MAGI2: variants seen among roughly 807,000 people sequenced by gnomAD.
MAGI2 encodes the protein membrane-associated guanylate kinase, WW and PDZ domain-containing protein 2.
In MAGI2, 35 loss-of-function variants were observed where a neutral mutation model predicts 133.3. That is an observed-to-expected ratio of 0.26 (90% CI 0.20 to 0.35). The LOEUF (loss-of-function observed/expected upper bound fraction) is 0.35, where lower values mean the gene tolerates loss of function less well. Among genes scored for constraint, MAGI2 ranks in the 10% least tolerant of loss-of-function variants. The pLI, the probability that MAGI2 is intolerant of heterozygous loss-of-function variation, is 1.00. For missense variants in MAGI2, 1,636 were observed against 1,863.4 expected (o/e 0.88, Z 2.25); for synonymous variants, 729 against 710.6 (o/e 1.03, Z -0.41).
intron 1 of MAGI2, among the ~76,000 whole-genome samples, chr7:79,406,637 A>AT (rs1845825240): frequency 6.6e-6 from 1 of 152,168 alleles, no homozygotes; most frequent in East Asian, 1.9e-4. Context: ...CAATATAATC[A>AT]TTTTTTCATC....
At chr7:79,220,201 G>A (rs574102763) in intron 1 of MAGI2, among the ~76,000 whole-genome samples, 2 of 152,002 alleles carry the variant, frequency 1.3e-5, no homozygotes, top group South Asian at 2.1e-4. Context: ...CTTACAGGAT[G>A]GTGATGTGGT....
chr7:79,117,678 A>G (rs1453242447), intron 1 of MAGI2, among the ~76,000 whole-genome samples: 2 of 152,182 alleles, frequency 1.3e-5, no homozygotes, highest in Non-Finnish European at 2.9e-5. Flanking sequence ...TCCTCTTATT[A>G]ATTTCCTCTT....
intron 9 of MAGI2, among the ~76,000 whole-genome samples, chr7:78,324,170 C>CACTACACACTACACTACACT (rs77844311): frequency 2.4e-5 from 3 of 127,282 alleles, no homozygotes; most frequent in African/African-American, 1.0e-4. Flanking sequence ...CACTACACTA[C>CACTACACACTACACTACACT]ACACTACACT....
intron 2 of MAGI2, among the ~76,000 whole-genome samples, chr7:78,898,258 G>T (rs534028662): frequency 6.6e-6 from 1 of 152,172 alleles, no homozygotes; most frequent in East Asian, 1.9e-4. Context: ...TAGTTCATCC[G>T]TTGTGGAAAA....
At chr7:79,162,000 T>C (rs1824412817) in intron 1 of MAGI2, among the ~76,000 whole-genome samples, 1 of 151,988 alleles carries the variant, frequency 6.6e-6, no homozygotes, top group Non-Finnish European at 1.5e-5. Context: ...GCAAGCATAA[T>C]AAGCCTAAAA....
In MAGI2 at chr7:78,293,983, C is replaced by T. The variant is rs1339005938; in HGVS notation, c.1409-37402G>A. Among the ~76,000 whole-genome samples the T allele has an allele frequency of 3.9e-5, 6 of 152,120 alleles. No individual in the cohort carries two copies. In the East Asian group the frequency reaches 7.7e-4, roughly 20 times the overall value. The stretch of plus-strand genomic sequence containing the variant: ...CAGGAGATACACTTAATGTAAATGA[C>T]GAGTTAATAGGTCCAGCACACCAAC... On this transcript the variant is annotated intron_variant, in intron 9 of 21. Transcript: ENST00000354212.
intron 21 of MAGI2, among the ~76,000 whole-genome samples, chr7:78,027,650 A>C (rs28650059): frequency 6.8e-6 from 1 of 146,368 alleles, no homozygotes; most frequent in Non-Finnish European, 1.5e-5. Flanking sequence ...AAAAGAAAGA[A>C]AAAGAAAAAG....
At chr7:79,104,292 C>T (rs1026193976) in intron 1 of MAGI2, among the ~76,000 whole-genome samples, 5 of 152,054 alleles carry the variant, frequency 3.3e-5, no homozygotes, top group Non-Finnish European at 7.4e-5. Flanking sequence ...CTGTGAGCTT[C>T]GGAGGGATGG....
At chr7:78,197,209 G>T (rs534176137) in intron 11 of MAGI2, among the ~76,000 whole-genome samples, 2 of 152,194 alleles carry the variant, frequency 1.3e-5, no homozygotes, top group Admixed American at 1.3e-4. Flanking sequence ...GATGTGGAAG[G>T]CCACATTTGT....
intron 2 of MAGI2, among the ~76,000 whole-genome samples, chr7:78,667,812 C>T (rs1813809802): frequency 6.6e-6 from 1 of 152,050 alleles, no homozygotes; most frequent in Non-Finnish European, 1.5e-5. Context: ...TGGGTTGGTT[C>T]CAAGTCTTTG....
At chr7:79,422,475 A>G (rs1288497078) in intron 1 of MAGI2, among the ~76,000 whole-genome samples, 3 of 152,054 alleles carry the variant, frequency 2.0e-5, no homozygotes, top group South Asian at 2.1e-4. Flanking sequence ...CAAACAATAT[A>G]TCAGAAAAAA....
chr7:79,038,762 A>G (rs1053370181), intron 1 of MAGI2, among the ~76,000 whole-genome samples: 1 of 152,160 alleles, frequency 6.6e-6, no homozygotes, highest in East Asian at 1.9e-4. Context: ...TTGCTTTTCT[A>G]AAATATACTG....
At chr7:78,596,496 GC>G (rs1471602917) in intron 3 of MAGI2, among the ~76,000 whole-genome samples, 1 of 152,186 alleles carries the variant, frequency 6.6e-6, no homozygotes, top group Non-Finnish European at 1.5e-5. Context: ...TGGGAACAGA[GC>G]AAAAGGAGCT....
intron 1 of MAGI2, among the ~76,000 whole-genome samples, chr7:79,345,287 G>A (rs557375460): frequency 8.5e-5 from 13 of 152,208 alleles, no homozygotes; most frequent in African/African-American, 2.4e-4. Flanking sequence ...AAGAGATCAA[G>A]TTGATGCTCC....
intron 1 of MAGI2, among the ~76,000 whole-genome samples, chr7:79,027,299 T>C (rs2116759320): frequency 6.6e-6 from 1 of 151,528 alleles, no homozygotes; most frequent in Middle Eastern, 3.5e-3. Flanking sequence ...TAAGTGTTCA[T>C]CAACAGGTGA....
chr7:79,307,641 C>G (rs559231598), intron 1 of MAGI2, among the ~76,000 whole-genome samples: 1 of 152,240 alleles, frequency 6.6e-6, no homozygotes, highest in Admixed American at 6.5e-5. Flanking sequence ...ATGATATAAT[C>G]AGGAACTTTG....
chr7:79,243,637 G>A (rs1024969387), intron 1 of MAGI2, among the ~76,000 whole-genome samples: 1 of 152,166 alleles, frequency 6.6e-6, no homozygotes, highest in Non-Finnish European at 1.5e-5. Context: ...GGACATTCTG[G>A]TGATAGAGGG....
chr7:78,586,569 G>T (rs1179989047), intron 3 of MAGI2, among the ~76,000 whole-genome samples: 5 of 152,040 alleles, frequency 3.3e-5, no homozygotes, highest in African/African-American at 1.2e-4. Context: ...TTTTTCAGAT[G>T]ATAAAATATG....
chr7:78,665,474 G>T (rs1023110612), intron 2 of MAGI2, among the ~76,000 whole-genome samples: 3 of 152,114 alleles, frequency 2.0e-5, no homozygotes, highest in African/African-American at 7.2e-5. Flanking sequence ...TTGCCTGATC[G>T]CACATTGTAC....
Sources: gnomAD v4.1 joint callset for allele counts (sites outside exome capture counted in the v4.1 genomes callset) on GRCh38, gnomAD v4.1.1 for gene constraint, MANE v1.5 for transcripts, NCBI Gene and HGNC (gene_info 2026-07-23, HGNC 2026-07-21) for gene names.